SMARCAL1: variants seen among roughly 807,000 people sequenced by gnomAD.
The protein encoded by SMARCAL1 is SNF2 related chromatin remodeling annealing helicase 1.
Under a neutral mutation model 94.5 loss-of-function variants are expected in SMARCAL1, and 58 were observed. That is an observed-to-expected ratio of 0.61 (90% CI 0.50 to 0.76). The LOEUF is 0.76. Ranked by LOEUF, SMARCAL1 falls within the 30% of genes least tolerant of loss-of-function variation. SMARCAL1 has a pLI of 0.00. For missense variants in SMARCAL1, 1,051 were observed against 1,177.9 expected, an observed-to-expected ratio of 0.89 and a Z score of 1.58; for synonymous variants, 422 against 455.1, an observed-to-expected ratio of 0.93 and a Z score of 0.93.
At chr2:216,416,023 C>T (rs982180722) in intron 3 of SMARCAL1, 8 of 491,854 alleles carry the variant, frequency 1.6e-5, no homozygotes, top group Admixed American at 1.2e-4. Context: ...GCCCTCAGTC[C>T]TCTTAGGTGA....
intron 5 of SMARCAL1, among the ~76,000 whole-genome samples, chr2:216,421,124 A>G (rs553896095): frequency 6.6e-6 from 1 of 152,240 alleles, no homozygotes; most frequent in East Asian, 1.9e-4. Context: ...TCACAGGGCC[A>G]CTTCAAAAGC....
At chr2:216,478,105 A>T in intron 16 of SMARCAL1, 98 bp from the exon 17 acceptor site, 2 of 970,702 alleles carry the variant, frequency 2.1e-6, no homozygotes, top group Non-Finnish European at 3.4e-6. Context: ...ACCGTAAACA[A>T]GCCGTTGTCC....
intron 11 of SMARCAL1, among the ~76,000 whole-genome samples, chr2:216,449,572 T>A (rs1013027694): frequency 5.3e-5 from 8 of 152,174 alleles, no homozygotes; most frequent in African/African-American, 1.9e-4. Context: ...TTCCTCCACC[T>A]TTGACCATCT....
chr2:216,443,016 C>G (rs1268223884), intron 10 of SMARCAL1, among the ~76,000 whole-genome samples: 1 of 152,116 alleles, frequency 6.6e-6, no homozygotes, highest in Non-Finnish European at 1.5e-5. Context: ...ATTACATAAT[C>G]AGACTTAAAA....
chr2:216,435,354 T>C lies in SMARCAL1; in HGVS notation c.1502T>C (p.Leu501Pro). 1 of 1,614,086 alleles carries C rather than the reference T, an allele frequency of 6.2e-7. No individual in the cohort carries two copies. The highest frequency in any genetic ancestry group is 8.5e-7 in the Non-Finnish European group (1 of 1,179,996). The change falls in exon 9 of 18, where the codon CTG becomes CCG. Residue 501 changes from leucine (L) to proline (P), a missense_variant. Leu to Pro is a moderately conservative substitution (Grantham distance 98, BLOSUM62 -3). This residue lies in a region of SMARCAL1 where 642 missense variants were observed against 754.7 expected (regional missense o/e 0.85). Transcript: ENST00000357276. ...CATCCACAGGCCTTCCTTCGGTGGC[T>C]GCCATCTCTGAGCCCAGATTGCATC... ...FTWEQAFLRW[L>P]PSLSPDCINV...
At chr2:216,435,687 C>T (rs371313755) in intron 9 of SMARCAL1, among the ~76,000 whole-genome samples, 191 bp downstream of exon 9, 6 of 152,264 alleles carry the variant, frequency 3.9e-5, no homozygotes, top group African/African-American at 9.6e-5. Flanking sequence ...ACTCTGGCTA[C>T]GTACTAGAAT....
chr2:216,455,572 T>C (rs1694547199), intron 12 of SMARCAL1, among the ~76,000 whole-genome samples: 1 of 152,246 alleles, frequency 6.6e-6, no homozygotes, highest in Non-Finnish European at 1.5e-5. Flanking sequence ...CCTCCGCTGC[T>C]GATACCGAGC....
chr2:216,425,186 A>G (rs1693804748), intron 6 of SMARCAL1, among the ~76,000 whole-genome samples: 1 of 152,208 alleles, frequency 6.6e-6, no homozygotes. Flanking sequence ...CGAGCTAGGC[A>G]TGGAGCAGCA....
In SMARCAL1 at chr2:216,432,790, C is replaced by T. The variant is rs750621192; in HGVS notation, c.1407C>T (p.Ile469=). The change falls in exon 8 of 18, where the codon ATC becomes ATT. Residue 469 remains isoleucine, a synonymous_variant. Transcript: ENST00000357276. ...DMGLGKTIQA[I]CIAAFYRKEW... is the part of the protein sequence containing the mutation. Reference sequence around the variant, plus strand: ...GCCTGGGGAAGACCATCCAAGCCATCTGCATCGCAGCCTTTTACCGGAAGG... The same window carrying T: ...GCCTGGGGAAGACCATCCAAGCCATTTGCATCGCAGCCTTTTACCGGAAGG... 5.0e-5 allele frequency: 80 copies of T among 1,614,120 alleles called. No homozygotes were observed. Among genetic ancestry groups the T allele is most frequent in the Non-Finnish European group, 6.5e-5 (77 of 1,180,054 alleles).
chr2:216,454,862 T>G (rs1694527919), intron 12 of SMARCAL1, among the ~76,000 whole-genome samples: 1 of 152,124 alleles, frequency 6.6e-6, no homozygotes, highest in South Asian at 2.1e-4. Context: ...TGCAGGACAG[T>G]GGGTGCAGCA....
intron 14 of SMARCAL1, among the ~76,000 whole-genome samples, chr2:216,471,210 A>G (rs915395106): frequency 2.6e-5 from 4 of 152,250 alleles, no homozygotes; most frequent in African/African-American, 7.2e-5. Context: ...ACCATAAAGT[A>G]TTAGAAGAAA....
chr2:216,429,675 A>G (rs1270659073), intron 7 of SMARCAL1, among the ~76,000 whole-genome samples: 1 of 152,040 alleles, frequency 6.6e-6, no homozygotes, highest in Non-Finnish European at 1.5e-5. Context: ...GACAAACCAC[A>G]ACAGCCTGCC....
Position 216,415,538 on chromosome 2 carries a change from GTTT to G in SMARCAL1, c.811+36_811+38del, listed in dbSNP as rs5838583. 0.02 allele frequency: 28,415 copies of G among 1,398,984 alleles called. 303 individuals carry two copies. Among genetic ancestry groups the G allele is most frequent in the East Asian group, 0.15 (6,414 of 42,792 alleles). 86.7% of individuals were successfully genotyped at this position (1,398,984 alleles called of 1,614,324 possible). On this transcript the variant is annotated intron_variant, in intron 3 of 17. Transcript: ENST00000357276. ...ATGGTAATGTCTTCATTTTTCAGCT[GTTT>G]TTTTTTTTTTTTCTTATTTTTGGAG... is the stretch of plus-strand genomic sequence containing the variant.
chr2:216,439,320 A>G (rs897161015), intron 10 of SMARCAL1, among the ~76,000 whole-genome samples: 2 of 69,744 alleles, frequency 2.9e-5, no homozygotes, highest in South Asian at 4.5e-4. Context: ...ATTTCCTTCC[A>G]TTATGGGGGG....
At chr2:216,450,244 C>T (rs887684034) in intron 11 of SMARCAL1, among the ~76,000 whole-genome samples, 3 of 152,220 alleles carry the variant, frequency 2.0e-5, no homozygotes, top group Admixed American at 2.0e-4. Context: ...TTATGAAGGA[C>T]TGCCTAGGCC....
intron 10 of SMARCAL1, among the ~76,000 whole-genome samples, chr2:216,438,877 G>A (rs1694135887): frequency 6.6e-6 from 1 of 152,130 alleles, no homozygotes; most frequent in South Asian, 2.1e-4. Flanking sequence ...CACTTGTAGT[G>A]GCAAAGCTGC....
At chr2:216,454,584 C>G (rs1018072651) in intron 12 of SMARCAL1, among the ~76,000 whole-genome samples, 1 of 152,118 alleles carries the variant, frequency 6.6e-6, no homozygotes, top group Non-Finnish European at 1.5e-5. Context: ...AGTAGTGCCT[C>G]CCTCATAGCA....
intron 15 of SMARCAL1, among the ~76,000 whole-genome samples, chr2:216,476,834 T>G (rs539168430): frequency 1.3e-5 from 2 of 152,344 alleles, no homozygotes; most frequent in East Asian, 3.9e-4. Flanking sequence ...CCTAGCTCAG[T>G]GCCCAGCACT....
In SMARCAL1 at chr2:216,453,071, T is replaced by C. The variant is rs188182462; in HGVS notation, c.2070+2007T>C. On this transcript the variant is annotated intron_variant, in intron 12 of 17. Transcript: ENST00000357276. ...GGATAGTGCCAGTTGCCCAGAATCC[T>C]GCCTACTGGGTGATTATCCTCTTTG... Among the ~76,000 whole-genome samples, 4 of 152,356 alleles carry C rather than the reference T, an allele frequency of 2.6e-5. No homozygotes were observed. In the East Asian group the frequency reaches 7.7e-4, roughly 29 times the overall value.
Sources: allele counts gnomAD v4.1 joint callset (sites outside exome capture counted in the v4.1 genomes callset), GRCh38; gene constraint gnomAD v4.1.1; regional missense constraint gnomAD v4.1.1; transcripts MANE v1.5; gene names NCBI Gene and HGNC (gene_info 2026-07-23, HGNC 2026-07-21).